MYT1L: variants seen among roughly 807,000 people sequenced by gnomAD.
The protein encoded by MYT1L is myelin transcription factor 1 like.
A neutral mutation model predicts 126.7 loss-of-function variants in MYT1L; 12 were observed. That is an observed-to-expected ratio of 0.09 (90% CI 0.06 to 0.15). The LOEUF (loss-of-function observed/expected upper bound fraction) is 0.15, where lower values mean the gene tolerates loss of function less well. Ranked by LOEUF, MYT1L falls within the 10% of genes least tolerant of loss-of-function variation. The pLI is 1.00. For synonymous variants in MYT1L, 541 were observed against 604.2 expected (o/e 0.90, Z 1.53); for missense variants, 979 against 1,585.2 (o/e 0.62, Z 6.49).
At chr2:1,978,580 G>A (rs772610087) in intron 8 of MYT1L, among the ~76,000 whole-genome samples, 34 of 152,168 alleles carry the variant, frequency 2.2e-4, no homozygotes, top group African/African-American at 2.4e-4. Flanking sequence ...CATCCCTGTC[G>A]CAGACCTGAA....
chr2:2,231,615 T>C (rs988528039), intron 2 of MYT1L, among the ~76,000 whole-genome samples: 1 of 151,794 alleles, frequency 6.6e-6, no homozygotes, highest in African/African-American at 2.4e-5. Flanking sequence ...GCCCAGATAA[T>C]TTTTGTATTT....
At chr2:2,187,112 T>G (rs1476063918) in intron 2 of MYT1L, among the ~76,000 whole-genome samples, 2 of 152,152 alleles carry the variant, frequency 1.3e-5, no homozygotes, top group Non-Finnish European at 2.9e-5. Context: ...GCAGGCACAG[T>G]GAGTGACAGA....
intron 4 of MYT1L, among the ~76,000 whole-genome samples, chr2:2,004,170 C>T (rs529271859): frequency 4.7e-5 from 7 of 150,526 alleles, no homozygotes; most frequent in African/African-American, 7.4e-5. Context: ...TGCCTTCTTT[C>T]CTGCGTGCCT....
At chr2:1,973,152 G>T (rs1369242152) in intron 8 of MYT1L, among the ~76,000 whole-genome samples, 1 of 152,164 alleles carries the variant, frequency 6.6e-6, no homozygotes, top group African/African-American at 2.4e-5. Context: ...TCTCTCTCTG[G>T]TGAATTGGCA....
intron 18 of MYT1L, among the ~76,000 whole-genome samples, chr2:1,869,075 G>A (rs2045951327): frequency 2.0e-5 from 3 of 152,240 alleles, no homozygotes; most frequent in South Asian, 4.1e-4. Flanking sequence ...CTCCTGGCAT[G>A]GCCACCAGGG....
rs367932034 is a variant in MYT1L, at chr2:2,145,357, G to A, written c.-304+27515C>T. Reference sequence around the variant, plus strand: ...ATCTTCTCCAGCGCTTCCTGAACACGCCGTCCAGCGCTCTAACCTGTGTCT... The same window carrying A: ...ATCTTCTCCAGCGCTTCCTGAACACACCGTCCAGCGCTCTAACCTGTGTCT... On this transcript the variant is annotated intron_variant, in intron 3 of 24. Coordinates refer to ENST00000647738, the MANE Select transcript of MYT1L (RefSeq NM_001303052.2). Among the ~76,000 whole-genome samples the A allele has an allele frequency of 4.6e-5, 7 of 152,258 alleles. No individual in the cohort carries two copies. The East Asian group carries it at 7.7e-4, about 17-fold the overall frequency.
At chr2:2,050,337 C>T (rs187139240) in intron 4 of MYT1L, among the ~76,000 whole-genome samples, 18 of 152,236 alleles carry the variant, frequency 1.2e-4, no homozygotes, top group African/African-American at 2.4e-4. Flanking sequence ...CTTCTGGACA[C>T]GATATGCTTT....
At chr2:1,895,058 C>G (rs926067198) in intron 14 of MYT1L, among the ~76,000 whole-genome samples, 1 of 152,126 alleles carries the variant, frequency 6.6e-6, no homozygotes, top group Non-Finnish European at 1.5e-5. Flanking sequence ...CTCTATACAC[C>G]AATAACATCC....
intron 2 of MYT1L, among the ~76,000 whole-genome samples, chr2:2,248,918 C>T (rs1333449236): frequency 1.3e-5 from 2 of 152,166 alleles, no homozygotes; most frequent in East Asian, 3.9e-4. Flanking sequence ...TAGTATCATA[C>T]TGAGTGAAAA....
chr2:2,054,433 A>G (rs1028801210), intron 3 of MYT1L, among the ~76,000 whole-genome samples: 1 of 152,006 alleles, frequency 6.6e-6, no homozygotes, highest in Non-Finnish European at 1.5e-5. Flanking sequence ...GCACATGGAG[A>G]TGAAACACTC....
chr2:1,949,355 C>T (rs1176380529), intron 8 of MYT1L, among the ~76,000 whole-genome samples: 1 of 152,186 alleles, frequency 6.6e-6, no homozygotes, highest in Non-Finnish European at 1.5e-5. Flanking sequence ...CACATGGAGG[C>T]CTGGCATCCC....
chr2:2,191,640 T>A (rs2092594363), intron 2 of MYT1L, among the ~76,000 whole-genome samples: 1 of 152,178 alleles, frequency 6.6e-6, no homozygotes, highest in Admixed American at 6.5e-5. Context: ...CTGCAGGTGG[T>A]AGGGCTTCAG....
At chr2:2,021,814 G>A (rs112268179) in intron 4 of MYT1L, among the ~76,000 whole-genome samples, 6,425 of 152,142 alleles carry the variant, frequency 0.042, 205 homozygotes, top group Non-Finnish European at 0.065. Context: ...GGAGAATGGC[G>A]TGAACCCGGG....
intron 9 of MYT1L, among the ~76,000 whole-genome samples, chr2:1,939,386 G>A (rs1183623899): frequency 6.6e-6 from 1 of 152,204 alleles, no homozygotes; most frequent in East Asian, 1.9e-4. Flanking sequence ...AGAGGAATGG[G>A]ACCCCCCAGC....
At chr2:1,899,206 T>C (rs1036836057) in intron 14 of MYT1L, among the ~76,000 whole-genome samples, 1 of 152,208 alleles carries the variant, frequency 6.6e-6, no homozygotes, top group African/African-American at 2.4e-5. Context: ...CTTTGGGAAC[T>C]GCGCGATTGT....
rs1314541538 is a variant in MYT1L, at chr2:2,228,960, G to A, written c.-421+55444C>T. Among the ~76,000 whole-genome samples, 3 of 152,038 alleles carry A rather than the reference G, an allele frequency of 2.0e-5. No homozygotes were observed. Among genetic ancestry groups the A allele is most frequent in the Non-Finnish European group, 2.9e-5 (2 of 68,008 alleles). On this transcript the variant is annotated intron_variant, in intron 2 of 24. Transcript: ENST00000647738. This position sits in a 1 kb window ranked among gnomAD's most constrained non-coding sequence, Gnocchi z 5.9. Reference sequence around the variant, plus strand: ...GAGAAGGATATGAAGTGAAACACGGGGGTCTTCCAACGTATCCAGCTGAGC... The same window carrying A: ...GAGAAGGATATGAAGTGAAACACGGAGGTCTTCCAACGTATCCAGCTGAGC...
chr2:1,797,414 G>A (rs1451512210), intron 23 of MYT1L, among the ~76,000 whole-genome samples: 2 of 152,186 alleles, frequency 1.3e-5, no homozygotes, highest in Non-Finnish European at 1.5e-5. Flanking sequence ...TAGAGACGGG[G>A]TTTCACCGTG....
chr2:1,834,989 ATGGATACAGGTACTCCTCC>A (rs2040677392), intron 21 of MYT1L, among the ~76,000 whole-genome samples: 1 of 129,484 alleles, frequency 7.7e-6, no homozygotes, highest in Non-Finnish European at 1.5e-5. Flanking sequence ...TACCACGGGG[ATGGATACAGGTACTCCTCC>A]ACATACCACG....
chr2:1,885,242 C>T (rs1305947869), intron 18 of MYT1L: 3 of 152,528 alleles, frequency 2.0e-5, no homozygotes, highest in Non-Finnish European at 2.9e-5. Context: ...TCGAGCCATA[C>T]AAAAGACGCC....
Sources: gnomAD v4.1 joint callset for allele counts (sites outside exome capture counted in the v4.1 genomes callset) on GRCh38, gnomAD v4.1.1 for gene constraint, Gnocchi (gnomAD v3.1) non-coding constraint, MANE v1.5 for transcripts, NCBI Gene and HGNC (gene_info 2026-07-23, HGNC 2026-07-21) for gene names.